CNTLN: variants seen among roughly 807,000 people sequenced by gnomAD.
The protein encoded by CNTLN is centlein, also known as centlein, centrosomal protein.
Under a neutral mutation model 180.0 loss-of-function variants are expected in CNTLN, and 212 were observed. That is an observed-to-expected ratio of 1.18 (90% confidence interval 1.05 to 1.32). The LOEUF (loss-of-function observed/expected upper bound fraction) is 1.32. Ranked by LOEUF, CNTLN falls within the 40% of genes most tolerant of loss-of-function variation. CNTLN has a pLI of 0.00. For missense variants in CNTLN, 2,095 were observed against 1,610.9 expected, an observed-to-expected ratio of 1.30 and a Z score of -5.14; for synonymous variants, 722 against 563.1, an observed-to-expected ratio of 1.28 and a Z score of -3.99.
intron 23 of CNTLN, among the ~76,000 whole-genome samples, chr9:17,468,960 A>C (rs540735459): frequency 6.6e-6 from 1 of 151,742 alleles, no homozygotes; most frequent in Non-Finnish European, 1.5e-5. Flanking sequence ...ATAATGTTTC[A>C]AAGATTATAT....
chr9:17,295,993 A>AGTGT (rs1288248891), intron 6 of CNTLN, among the ~76,000 whole-genome samples: 6 of 81,064 alleles, frequency 7.4e-5, no homozygotes, highest in African/African-American at 3.4e-4. Flanking sequence ...AGAGAGAGAG[A>AGTGT]GAGAGTGTGT....
At chr9:17,180,737 A>G (rs1300975757) in intron 2 of CNTLN, among the ~76,000 whole-genome samples, 1 of 152,100 alleles carries the variant, frequency 6.6e-6, no homozygotes, top group Non-Finnish European at 1.5e-5. Context: ...ATGACAACCA[A>G]TTCCTAGATT....
intron 13 of CNTLN, among the ~76,000 whole-genome samples, 160 bp from the exon 14 acceptor site, chr9:17,388,002 C>G (rs1397029387): frequency 6.8e-6 from 1 of 147,752 alleles, no homozygotes; most frequent in African/African-American, 2.5e-5. Flanking sequence ...TGCTAAAAAT[C>G]TTGAAAAGGG....
intron 5 of CNTLN, among the ~76,000 whole-genome samples, chr9:17,244,438 A>T (rs1775701567): frequency 1.3e-5 from 2 of 152,014 alleles, no homozygotes; most frequent in Non-Finnish European, 2.9e-5. Flanking sequence ...GACTAGTCTC[A>T]AACTCCTGGG....
chr9:17,495,078 C>T, intron 25 of CNTLN: 2 of 362,190 alleles, frequency 5.5e-6, no homozygotes, highest in Non-Finnish European at 1.1e-5. Flanking sequence ...TTGGGTTTTG[C>T]CATGTTGCCC....
intron 1 of CNTLN, among the ~76,000 whole-genome samples, chr9:17,140,555 C>T (rs1818018878): frequency 6.6e-6 from 1 of 152,094 alleles, no homozygotes; most frequent in Non-Finnish European, 1.5e-5. Flanking sequence ...TCGTCCCACC[C>T]TCAGTCTCCT....
intron 1 of CNTLN, among the ~76,000 whole-genome samples, chr9:17,141,433 A>T (rs1818085326): frequency 6.6e-6 from 1 of 152,150 alleles, no homozygotes; most frequent in African/African-American, 2.4e-5. Context: ...AGTGTGATGG[A>T]TGATGCAGTA....
At chr9:17,208,844 CTCTTT>C (rs1563882247) in intron 2 of CNTLN, among the ~76,000 whole-genome samples, 1 of 152,040 alleles carries the variant, frequency 6.6e-6, no homozygotes, top group Non-Finnish European at 1.5e-5. Context: ...TGTGTCTTCT[CTCTTT>C]TCTTATTAAT....
chr9:17,359,768 C>T (rs919160269), intron 12 of CNTLN, among the ~76,000 whole-genome samples: 52 of 54,256 alleles, frequency 9.6e-4, no homozygotes, highest in African/African-American at 2.4e-3. Context: ...GGTGTAGTGG[C>T]GGGCGCCTGT....
At chr9:17,409,577 T>A (rs1211576082) in intron 16 of CNTLN, 104 bp downstream of exon 16, 4 of 850,056 alleles carry the variant, frequency 4.7e-6, no homozygotes, top group Non-Finnish European at 7.0e-6. Flanking sequence ...TTTGAATTCT[T>A]ACAAGTTAAG....
chr9:17,225,325 C>T (rs953569575), intron 2 of CNTLN, among the ~76,000 whole-genome samples: 1 of 152,024 alleles, frequency 6.6e-6, no homozygotes, highest in African/African-American at 2.4e-5. Context: ...AGCTCCTTTC[C>T]ACCTCAGCCT....
At position 17,317,260 on chromosome 9, in the gene CNTLN, G is replaced by A. The variant is rs559136147; in HGVS notation, c.1341+8008G>A. On this transcript the variant is annotated intron_variant, in intron 8 of 25. Transcript: ENST00000380647. ...AGCTAGTGAGGTGACCTCAAAATAC[G>A]TACATTTTATGGACAGTTTAAATAA... 5.3e-5 allele frequency among the ~76,000 whole-genome samples: 8 copies of A among 152,086 alleles called. No individual in the cohort carries two copies. In the South Asian group the frequency reaches 1.5e-3, roughly 28 times the overall value.
intron 11 of CNTLN, among the ~76,000 whole-genome samples, chr9:17,341,985 T>A (rs1199496723): frequency 6.6e-6 from 1 of 152,142 alleles, no homozygotes; most frequent in Non-Finnish European, 1.5e-5. Flanking sequence ...AAATTCCAGA[T>A]GAGTTGGTTG....
intron 2 of CNTLN, among the ~76,000 whole-genome samples, chr9:17,192,671 G>A (rs1187857277): frequency 1.3e-5 from 2 of 152,148 alleles, no homozygotes; most frequent in Non-Finnish European, 2.9e-5. Flanking sequence ...TGGTTCCAGA[G>A]CCCCTTGTTT....
intron 10 of CNTLN, among the ~76,000 whole-genome samples, chr9:17,340,315 G>A (rs1325892111): frequency 6.6e-6 from 1 of 152,046 alleles, no homozygotes. Flanking sequence ...GTTAAACTAT[G>A]CTCCTTCTAA....
intron 18 of CNTLN, among the ~76,000 whole-genome samples, chr9:17,423,113 G>A (rs113057005): frequency 6.6e-6 from 1 of 152,136 alleles, no homozygotes; most frequent in Non-Finnish European, 1.5e-5. Context: ...AGTTGGGAGA[G>A]GGGTGACTGA....
chr9:17,255,032 T>G (rs1826389094), intron 5 of CNTLN, among the ~76,000 whole-genome samples: 1 of 151,828 alleles, frequency 6.6e-6, no homozygotes, highest in Non-Finnish European at 1.5e-5. Flanking sequence ...AGTATTTTTT[T>G]CAGTTGTAAA....
intron 2 of CNTLN, among the ~76,000 whole-genome samples, chr9:17,215,044 T>G (rs968695375): frequency 6.6e-6 from 1 of 152,212 alleles, no homozygotes; most frequent in African/African-American, 2.4e-5. Context: ...AAGCCTTCTT[T>G]TCTCAACTCG....
At chr9:17,470,638 C>T (rs1421086436) in intron 23 of CNTLN, among the ~76,000 whole-genome samples, 1 of 151,844 alleles carries the variant, frequency 6.6e-6, no homozygotes, top group East Asian at 1.9e-4. Context: ...TTGAATTCTC[C>T]TAATAACTGA....
Sources: gnomAD v4.1 joint callset for allele counts (sites outside exome capture counted in the v4.1 genomes callset) on GRCh38, gnomAD v4.1.1 for gene constraint, MANE v1.5 for transcripts, NCBI Gene and HGNC (gene_info 2026-07-23, HGNC 2026-07-21) for gene names.